Variants in GATAD2B observed in about 807,000 individuals in gnomAD.
The protein encoded by GATAD2B is transcriptional repressor p66-beta.
In GATAD2B, 8 loss-of-function variants were observed where a neutral mutation model predicts 64.3. The observed-to-expected ratio is 0.12, with a 90% CI of 0.07 to 0.22. GATAD2B has a LOEUF of 0.22. Ranked by LOEUF, GATAD2B falls within the 10% of genes least tolerant of loss-of-function variation. GATAD2B has a pLI of 1.00. For synonymous variants in GATAD2B, 281 were observed against 271.3 expected (o/e 1.04, Z -0.35); for missense variants, 453 against 752.0 (o/e 0.60, Z 4.65).
chr1:153,874,702 A>G (rs1676771022), intron 1 of GATAD2B, among the ~76,000 whole-genome samples: 3 of 151,762 alleles, frequency 2.0e-5, no homozygotes, highest in Middle Eastern at 3.4e-3. Context: ...TCAGTCTCCC[A>G]AGTAGCTGGG....
At position 153,810,921 on chromosome 1, in the gene GATAD2B, G is replaced by A. The variant is rs567340354; in HGVS notation, c.1649-611C>T. On this transcript the variant is annotated intron_variant, in intron 10 of 10. Transcript: ENST00000368655. ...TGGGATTACAGGCACCAGCCACCAC[G>A]CCGGGCTAATTTTTTGTATTTTCAG... 5.9e-5 allele frequency among the ~76,000 whole-genome samples: 9 copies of A among 151,346 alleles called. No homozygotes were observed. In the South Asian group the frequency reaches 1.7e-3, roughly 28 times the overall value.
chr1:153,814,376 T>TATAG (rs1284511720), intron 7 of GATAD2B, among the ~76,000 whole-genome samples: 7 of 152,348 alleles, frequency 4.6e-5, no homozygotes, highest in African/African-American at 1.7e-4. Flanking sequence ...TTATAAGGTC[T>TATAG]TTCTTAGTTA....
chr1:153,906,362 T>G (rs967041938), intron 1 of GATAD2B, among the ~76,000 whole-genome samples: 3 of 152,082 alleles, frequency 2.0e-5, no homozygotes, highest in African/African-American at 7.2e-5. Flanking sequence ...GAGGTTGCAG[T>G]GAACCAAGAT....
chr1:153,898,306 C>CAAAAAAAAAAAAAAAAAAAAAAA (rs11373311), intron 1 of GATAD2B, among the ~76,000 whole-genome samples: 1 of 80,792 alleles, frequency 1.2e-5, no homozygotes, highest in Admixed American at 1.3e-4. Flanking sequence ...CAGCCTGTCT[C>CAAAAAAAAAAAAAAAAAAAAAAA]AAAAAAAAAA....
At chr1:153,860,583 C>G (rs919726327) in intron 1 of GATAD2B, among the ~76,000 whole-genome samples, 1 of 152,030 alleles carries the variant, frequency 6.6e-6, no homozygotes. Flanking sequence ...GATCCTCCCA[C>G]CTTGGCCTCC....
At chr1:153,842,629 T>C (rs1386904988) in intron 1 of GATAD2B, among the ~76,000 whole-genome samples, 1 of 145,206 alleles carries the variant, frequency 6.9e-6, no homozygotes, top group Non-Finnish European at 1.5e-5. Flanking sequence ...GTTTTTGCTT[T>C]TGTTTTTTAA....
At chr1:153,903,647 C>T (rs920059664) in intron 1 of GATAD2B, among the ~76,000 whole-genome samples, 15 of 152,136 alleles carry the variant, frequency 9.9e-5, no homozygotes, top group Admixed American at 2.6e-4. Context: ...TTACAATATA[C>T]CTAAATACTC....
At chr1:153,881,924 C>A (rs1212508851) in intron 1 of GATAD2B, among the ~76,000 whole-genome samples, 3 of 151,982 alleles carry the variant, frequency 2.0e-5, no homozygotes, top group Non-Finnish European at 4.4e-5. Context: ...CCCTTGAGAG[C>A]CCTGCACAAA....
chr1:153,877,736 G>A (rs1676881477), intron 1 of GATAD2B, among the ~76,000 whole-genome samples: 1 of 151,786 alleles, frequency 6.6e-6, no homozygotes, highest in East Asian at 1.9e-4. Flanking sequence ...AAATTAGCCG[G>A]GTGTGGTGGC....
intron 1 of GATAD2B, among the ~76,000 whole-genome samples, chr1:153,838,939 G>C (rs1227006909): frequency 6.6e-6 from 1 of 151,810 alleles, no homozygotes; most frequent in East Asian, 1.9e-4. Context: ...GCAAAAGCTT[G>C]TCTCTACTAA....
intron 1 of GATAD2B, among the ~76,000 whole-genome samples, chr1:153,856,682 G>C (rs1265257920): frequency 6.6e-6 from 1 of 152,088 alleles, no homozygotes; most frequent in African/African-American, 2.4e-5. Flanking sequence ...AACTGAGGTG[G>C]AAGGATCACT....
In GATAD2B at chr1:153,835,773, A is replaced by G. The variant is rs569372804; in HGVS notation, c.-1-7425T>C. Among the ~76,000 whole-genome samples, 12 of 152,146 alleles carry G rather than the reference A, an allele frequency of 7.9e-5. No homozygotes were observed. In the East Asian group the frequency reaches 2.3e-3, roughly 29 times the overall value. On this transcript the variant is annotated intron_variant, in intron 1 of 10. Transcript: ENST00000368655. Reference sequence around the variant, plus strand: ...ACTCTTGCTCTGTCGTCCAGGCTGGAGTGGAGTGGCGTGATCTCGGTTCAT... The same window carrying G: ...ACTCTTGCTCTGTCGTCCAGGCTGGGGTGGAGTGGCGTGATCTCGGTTCAT...
chr1:153,862,242 C>A (rs568006169), intron 1 of GATAD2B, among the ~76,000 whole-genome samples: 1 of 151,006 alleles, frequency 6.6e-6, no homozygotes, highest in African/African-American at 2.4e-5. Flanking sequence ...CCTGCCTCAG[C>A]CTCCTGAGTA....
chr1:153,824,554 G>A (rs1674801808), intron 2 of GATAD2B, among the ~76,000 whole-genome samples: 1 of 146,462 alleles, frequency 6.8e-6, no homozygotes, highest in South Asian at 2.1e-4. Flanking sequence ...GGAGGTTGCA[G>A]CGAGCCAAGA....
At chr1:153,819,057 G>T in intron 3 of GATAD2B, 135 bp from the exon 4 acceptor site, 1 of 855,040 alleles carries the variant, frequency 1.2e-6, no homozygotes, top group Non-Finnish European at 1.8e-6. Flanking sequence ...GATTATCTTT[G>T]TATCACTGGA....
intron 1 of GATAD2B, among the ~76,000 whole-genome samples, chr1:153,890,179 A>G (rs966204615): frequency 1.3e-5 from 2 of 149,896 alleles, no homozygotes; most frequent in Admixed American, 1.3e-4. Flanking sequence ...TTTCAAAAAA[A>G]AAAAAAAGAA....
chr1:153,869,660 T>C (rs1381006197), intron 1 of GATAD2B, among the ~76,000 whole-genome samples: 1 of 152,192 alleles, frequency 6.6e-6, no homozygotes, highest in Admixed American at 6.5e-5. Context: ...TATTGGAGAA[T>C]GGTGTTGCGA....
intron 1 of GATAD2B, among the ~76,000 whole-genome samples, chr1:153,842,145 A>G (rs1004017279): frequency 3.3e-5 from 5 of 152,136 alleles, no homozygotes; most frequent in Non-Finnish European, 5.9e-5. Flanking sequence ...GGCTGGTGTC[A>G]TTATTTCTTA....
At chr1:153,877,487 A>T (rs1467465957) in intron 1 of GATAD2B, among the ~76,000 whole-genome samples, 1 of 152,136 alleles carries the variant, frequency 6.6e-6, no homozygotes, top group Non-Finnish European at 1.5e-5. Context: ...TCTATCCTTT[A>T]AGAGAAGGTA....
Sources: allele counts gnomAD v4.1 joint callset (sites outside exome capture counted in the v4.1 genomes callset), GRCh38; gene constraint gnomAD v4.1.1; transcripts MANE v1.5; gene names NCBI Gene and HGNC (gene_info 2026-07-23, HGNC 2026-07-21).